Variants in PTPRJ observed in about 807,000 individuals in gnomAD.
PTPRJ encodes the protein receptor-type tyrosine-protein phosphatase eta.
A neutral mutation model predicts 141.3 loss-of-function variants in PTPRJ; 129 were observed. The ratio of observed to expected loss-of-function variants is 0.91; its 90% CI spans 0.79 to 1.06. The LOEUF (loss-of-function observed/expected upper bound fraction) is 1.06. Among genes scored for constraint, PTPRJ ranks in the 50% least tolerant of loss-of-function variants. PTPRJ has a pLI of 0.00. For missense variants in PTPRJ, 1,601 were observed against 1,679.7 expected (o/e 0.95, Z 0.82); for synonymous variants, 610 against 640.5 (o/e 0.95, Z 0.72).
Position 48,090,596 on chromosome 11 carries a change from A to G in PTPRJ, c.97-19462A>G, listed in dbSNP as rs994798832. ...TTCGCAGGCTGTTTTCTGCCCTGGA[A>G]TGCTGCTGTTTTTTAGACCCAGCAT... On this transcript the variant is annotated intron_variant, in intron 1 of 24. Transcript: ENST00000418331. 1.7e-4 allele frequency among the ~76,000 whole-genome samples: 26 copies of G among 152,190 alleles called. 1 individual carries two copies.
At chr11:48,060,121 C>G (rs544735330) in intron 1 of PTPRJ, among the ~76,000 whole-genome samples, 1 of 151,990 alleles carries the variant, frequency 6.6e-6, no homozygotes, top group Non-Finnish European at 1.5e-5. Flanking sequence ...ATCACACTTT[C>G]GAAAGTGAAG....
chr11:47,983,696 T>C (rs1318653501), intron 1 of PTPRJ, among the ~76,000 whole-genome samples: 2 of 152,214 alleles, frequency 1.3e-5, no homozygotes, highest in East Asian at 3.8e-4. Context: ...TTTGTGTGTA[T>C]GTTTTAGGCA....
intron 1 of PTPRJ, among the ~76,000 whole-genome samples, chr11:48,057,122 A>T (rs1424807054): frequency 6.6e-6 from 1 of 152,136 alleles, no homozygotes; most frequent in East Asian, 1.9e-4. Context: ...ACTGACTCTG[A>T]TTGCCTTCCC....
At chr11:48,003,715 C>T (rs1001252026) in intron 1 of PTPRJ, among the ~76,000 whole-genome samples, 2 of 152,102 alleles carry the variant, frequency 1.3e-5, no homozygotes, top group African/African-American at 2.4e-5. Context: ...AGGCTGGTCT[C>T]GAACTCCTGA....
At chr11:48,165,884 C>T (rs895176890) in intron 24 of PTPRJ, among the ~76,000 whole-genome samples, 24 of 148,830 alleles carry the variant, frequency 1.6e-4, no homozygotes, top group Middle Eastern at 3.2e-3. Flanking sequence ...TTTTTTGAGA[C>T]GGAGACTTGC....
At position 48,139,520 on chromosome 11, in the gene PTPRJ, G is replaced by C. The variant is rs1857184306; in HGVS notation, c.2187G>C (p.Val729=). The change falls in exon 11 of 25, where the codon GTG becomes GTC. Residue 729 remains valine, a synonymous_variant. Coordinates refer to ENST00000418331, the MANE Select transcript of PTPRJ (RefSeq NM_002843.4). ...PASMASFDCE[V]VPKEPALVLK... Reference sequence around the variant, plus strand: ...CCATGGCCTCCTTCGACTGCGAAGTGGTCCCCAAAGAGCCAGCCCTGGTTC... The same window carrying C: ...CCATGGCCTCCTTCGACTGCGAAGTCGTCCCCAAAGAGCCAGCCCTGGTTC... 6.2e-7 allele frequency: 1 copy of C among 1,614,148 alleles called. No homozygotes were observed. Among genetic ancestry groups the C allele is most frequent in the Admixed American group, 1.7e-5 (1 of 60,032 alleles).
At chr11:48,139,404 C>T in intron 10 of PTPRJ, 82 bp from the exon 11 acceptor site, 1 of 1,467,260 alleles carries the variant, frequency 6.8e-7, no homozygotes, top group Admixed American at 1.9e-5. Flanking sequence ...CTTCTCATCC[C>T]CAGGATTCTG....
chr11:48,093,533 A>G (rs1216904001), intron 1 of PTPRJ, among the ~76,000 whole-genome samples: 1 of 152,196 alleles, frequency 6.6e-6, no homozygotes, highest in Admixed American at 6.5e-5. Context: ...ACCATTTGCA[A>G]CTACACGTCT....
At chr11:48,090,713 A>G (rs1791959200) in intron 1 of PTPRJ, among the ~76,000 whole-genome samples, 1 of 152,244 alleles carries the variant, frequency 6.6e-6, no homozygotes, top group African/African-American at 2.4e-5. Context: ...CTTAAATTCG[A>G]GAGGCCAGGA....
chr11:48,110,170 A>T lies in PTPRJ; in HGVS notation c.115+94A>T, dbSNP rs2134324488. ...TAACAGCAATGTGAAATGCTAATTT[A>T]TTAAAACCTGCTCGGTTTCCAATTT... is the stretch of plus-strand genomic sequence containing the variant. On this transcript the variant is annotated intron_variant, in intron 2 of 24. Coordinates refer to ENST00000418331, the MANE Select transcript of PTPRJ (RefSeq NM_002843.4). The T allele has an allele frequency of 3.8e-6, 5 of 1,311,006 alleles. No individual in the cohort carries two copies. In the East Asian group the frequency reaches 1.2e-4, roughly 31 times the overall value. The allele number at this position is 1,311,006 out of a possible 1,614,324, so 81.2% of individuals were successfully genotyped here.
chr11:47,999,605 G>T (rs1336397832), intron 1 of PTPRJ, among the ~76,000 whole-genome samples: 2 of 152,132 alleles, frequency 1.3e-5, no homozygotes, highest in Non-Finnish European at 2.9e-5. Flanking sequence ...GTGGATTCTG[G>T]ATATCTGGGT....
intron 3 of PTPRJ, among the ~76,000 whole-genome samples, chr11:48,115,776 ACAATT>A (rs1856550539): frequency 6.6e-6 from 1 of 152,200 alleles, no homozygotes; most frequent in Non-Finnish European, 1.5e-5. Flanking sequence ...GGTGACATAA[ACAATT>A]CATAATATGA....
chr11:48,161,180 C>CAAAAAAAAAAA (rs71045549), intron 22 of PTPRJ, among the ~76,000 whole-genome samples: 4 of 68,118 alleles, frequency 5.9e-5, no homozygotes, highest in South Asian at 8.0e-4. Flanking sequence ...GACCCGGTCT[C>CAAAAAAAAAAA]AAAAAAAAAA....
chr11:48,051,639 G>A (rs1423497970), intron 1 of PTPRJ, among the ~76,000 whole-genome samples: 1 of 152,184 alleles, frequency 6.6e-6, no homozygotes, highest in African/African-American at 2.4e-5. Context: ...TGACCTCAGG[G>A]CATTGCATAA....
Position 47,980,893 on chromosome 11 carries a change from C to T in PTPRJ, c.-20C>T, listed in dbSNP as rs1456862743. On this transcript the variant is annotated 5_prime_UTR_variant, in exon 1 of 25. The change creates a new upstream start codon in the 5' untranslated region. Transcript: ENST00000418331. Reference sequence around the variant, plus strand: ...GGGCCCGATTCGCGCGTCCGGGGCACGTTCCAGGGCGCGCGGGGCATGAAG... The same window carrying T: ...GGGCCCGATTCGCGCGTCCGGGGCATGTTCCAGGGCGCGCGGGGCATGAAG... The T allele has an allele frequency of 1.8e-6, 2 of 1,136,854 alleles. No individual in the cohort carries two copies. The highest frequency in any genetic ancestry group is 3.3e-5 in the African/African-American group (2 of 60,734). 70.4% of individuals were successfully genotyped at this position (1,136,854 alleles called of 1,614,324 possible).
rs71045549 is a variant in PTPRJ, at chr11:48,161,180, C to CA, written c.3558+1149dup. ...TGGGTGACAAAGCAAGACCCGGTCT[C>CA]AAAAAAAAAAAAAAAAAAGATAAAT... On this transcript the variant is annotated intron_variant, in intron 22 of 24. Transcript: ENST00000418331. 2.6e-4 allele frequency among the ~76,000 whole-genome samples: 18 copies of CA among 68,126 alleles called. 2 individuals carry two copies. The highest frequency in any genetic ancestry group is 7.2e-4 in the African/African-American group (11 of 15,348). 44.7% of individuals were successfully genotyped at this position (68,126 alleles called of 152,430 possible).
rs765491292 is a variant in PTPRJ at position 48,127,836 on chromosome 11, C to T, written c.1150C>T (p.Leu384=). The change falls in exon 7 of 25, where the codon CTG becomes TTG. Residue 384 remains leucine, a synonymous_variant. Transcript: ENST00000418331. ...GAACATCAGTGCCACAAGCCTGACC[C>T]TGATCTGGAAAGTCAGCGATAACGA... is the stretch of plus-strand genomic sequence containing the variant. The part of the protein sequence containing the change: ...AVNISATSLT[L]IWKVSDNESS... The T allele has an allele frequency of 3.1e-6, 5 of 1,614,198 alleles. No homozygotes were observed. In the Admixed American group the frequency reaches 5.0e-5, roughly 16 times the overall value.
chr11:48,131,554 G>A (rs1856984941), intron 8 of PTPRJ: 1 of 774,778 alleles, frequency 1.3e-6, no homozygotes, highest in African/African-American at 1.7e-5. Context: ...CTGAAACAGA[G>A]TTGGCAGATA....
In PTPRJ at chr11:48,153,885, C is replaced by T; in HGVS notation, c.3228C>T (p.Pro1076=). ...RGKNRYNNVL[P]YDISRVKLSV... The stretch of plus-strand genomic sequence containing the variant: ...AGAATCGCTATAATAATGTTCTGCC[C>T]TGTAAGTTATTTTATCTACAGCATC... Residue 1076 remains proline (P), a splice_region_variant and synonymous_variant, in exon 19 of 25, where the codon CCC becomes CCT. Coordinates refer to ENST00000418331, the MANE Select transcript of PTPRJ (RefSeq NM_002843.4). 1 of 1,604,788 alleles carries T rather than the reference C, an allele frequency of 6.2e-7. No individual in the cohort carries two copies. Among genetic ancestry groups the T allele is most frequent in the Non-Finnish European group, 8.5e-7 (1 of 1,171,656 alleles).
Sources: gnomAD v4.1 joint callset for allele counts (sites outside exome capture counted in the v4.1 genomes callset) on GRCh38, gnomAD v4.1.1 for gene constraint, MANE v1.5 for transcripts, NCBI Gene and HGNC (gene_info 2026-07-23, HGNC 2026-07-21) for gene names.